Variants in ZNF362 observed in about 807,000 individuals in gnomAD.
ZNF362 encodes the protein rotund homolog.
ZNF362 carries 11 observed loss-of-function variants against 42.9 expected under a neutral mutation model. The observed-to-expected ratio is 0.26, with a 90% confidence interval of 0.16 to 0.42. ZNF362 has a LOEUF of 0.42. Ranked by LOEUF, ZNF362 falls within the 20% of genes least tolerant of loss-of-function variation. The pLI is 1.00. For synonymous variants in ZNF362, 255 were observed against 257.3 expected, an observed-to-expected ratio of 0.99 and a Z score of 0.09; for missense variants, 362 against 576.2, an observed-to-expected ratio of 0.63 and a Z score of 3.81.
At chr1:33,182,763 G>A in the ZNF362 span, among the ~76,000 whole-genome samples, 1 of 152,062 alleles carries the variant, frequency 6.6e-6, no homozygotes, top group Non-Finnish European at 1.5e-5. Flanking sequence ...GCATAGAGGC[G>A]TGAAAGGGGA....
chr1:33,289,091 T>C (rs1244746310), intron 6 of ZNF362, among the ~76,000 whole-genome samples: 2 of 152,180 alleles, frequency 1.3e-5, no homozygotes, highest in East Asian at 1.9e-4. Context: ...ATGTGGAAAC[T>C]TCCTTGAGAG....
chr1:33,259,217 A>G (rs954680310), intron 1 of ZNF362, among the ~76,000 whole-genome samples: 14 of 152,046 alleles, frequency 9.2e-5, no homozygotes, highest in Non-Finnish European at 8.8e-5. Flanking sequence ...CCCTCTACCC[A>G]TTGCCAGGCT....
intron 2 of ZNF362, 127 bp from the exon 3 acceptor site, chr1:33,275,973 G>A: frequency 9.8e-7 from 1 of 1,017,674 alleles, no homozygotes; most frequent in South Asian, 1.4e-5. Flanking sequence ...GTGCTGTGAG[G>A]CTGGGGGACC....
chr1:33,155,792 CCAGT>C, the ZNF362 span, among the ~76,000 whole-genome samples: 2 of 152,186 alleles, frequency 1.3e-5, no homozygotes, highest in Non-Finnish European at 1.5e-5. Flanking sequence ...TTCTCTGCTG[CCAGT>C]CAGTTTGAAT....
At chr1:33,147,151 G>A in the ZNF362 span, 4 of 1,605,758 alleles carry the variant, frequency 2.5e-6, no homozygotes, top group Non-Finnish European at 3.4e-6. The surrounding 1 kb of genome is among the most constrained non-coding windows in gnomAD (Gnocchi z 8.1). Context: ...GTGGTCCCAG[G>A]AGGTTGTGGT....
chr1:33,249,790 G>A, the ZNF362 span, among the ~76,000 whole-genome samples: 1 of 152,118 alleles, frequency 6.6e-6, no homozygotes, highest in South Asian at 2.1e-4. Flanking sequence ...AGGCAAGGTG[G>A]GAACAGGTCC....
At chr1:33,231,871 C>G in the ZNF362 span, among the ~76,000 whole-genome samples, 5 of 152,250 alleles carry the variant, frequency 3.3e-5, no homozygotes, top group African/African-American at 9.6e-5. Context: ...CTCATCCTGT[C>G]CTGACATCAA....
chr1:33,277,100 T>G (rs1049678763), intron 4 of ZNF362, among the ~76,000 whole-genome samples: 1 of 152,172 alleles, frequency 6.6e-6, no homozygotes, highest in African/African-American at 2.4e-5. Flanking sequence ...AAGATGGTGG[T>G]GATGACAGCT....
chr1:33,258,764 A>G (rs1300013298), intron 1 of ZNF362, among the ~76,000 whole-genome samples: 1 of 152,130 alleles, frequency 6.6e-6, no homozygotes, highest in Non-Finnish European at 1.5e-5. Context: ...AGAGAATTGA[A>G]CTTCACAGTT....
chr1:33,225,928 C>A, the ZNF362 span, among the ~76,000 whole-genome samples: 27,239 of 152,056 alleles, frequency 0.18, 2,833 homozygotes, highest in East Asian at 0.32. Flanking sequence ...TGCAGTGTTC[C>A]CCAGCAGACC....
At position 33,281,934 on chromosome 1, in the gene ZNF362, C is replaced by T. The variant is rs967060345; in HGVS notation, c.908+123C>T. On this transcript the variant is annotated intron_variant, in intron 6 of 8. Coordinates refer to ENST00000539719, the MANE Select transcript of ZNF362 (RefSeq NM_152493.3). The surrounding 1 kb of genome is among the most constrained non-coding windows in gnomAD (Gnocchi z 4.8). Reference sequence around the variant, plus strand: ...CAGGTGCCCATTGCCCTCGGGGTCACGGCCCTTGTGGACCTCACTGGCCTC... The same window carrying T: ...CAGGTGCCCATTGCCCTCGGGGTCATGGCCCTTGTGGACCTCACTGGCCTC... The T allele has an allele frequency of 4.1e-5, 40 of 986,894 alleles. No homozygotes were observed. Among genetic ancestry groups the T allele is most frequent in the Middle Eastern group, 2.9e-4 (1 of 3,474 alleles). 61.1% of individuals were successfully genotyped at this position (986,894 alleles called of 1,614,324 possible).
chr1:33,214,604 G>T, the ZNF362 span, among the ~76,000 whole-genome samples: 2 of 151,960 alleles, frequency 1.3e-5, no homozygotes, highest in Non-Finnish European at 2.9e-5. Flanking sequence ...CATCTGAAAG[G>T]GATTAACAAC....
In ZNF362 at chr1:33,280,549, G is replaced by A. The variant is rs1645985726; in HGVS notation, c.683+92G>A. On this transcript the variant is annotated intron_variant, in intron 5 of 8. Coordinates refer to ENST00000539719, the MANE Select transcript of ZNF362 (RefSeq NM_152493.3). The surrounding 1 kb of genome is among the most constrained non-coding windows in gnomAD (Gnocchi z 5.6). Reference sequence around the variant, plus strand: ...GGAGCCCAGCAGCGGGGCTGAAACAGGACCCTTAGGGCTGAGGGGCAGGGC... The same window carrying A: ...GGAGCCCAGCAGCGGGGCTGAAACAAGACCCTTAGGGCTGAGGGGCAGGGC... 1.4e-6 allele frequency: 2 copies of A among 1,463,728 alleles called. No homozygotes were observed. Among genetic ancestry groups the A allele is most frequent in the Admixed American group, 5.1e-5 (2 of 39,242 alleles). The allele number at this position is 1,463,728 out of a possible 1,614,324, so 90.7% of individuals were successfully genotyped here.
At chr1:33,168,031 C>T in the ZNF362 span, among the ~76,000 whole-genome samples, 1 of 152,052 alleles carries the variant, frequency 6.6e-6, no homozygotes. Flanking sequence ...AGCGAGGTTA[C>T]CAATATGGTG....
At chr1:33,147,194 T>A in the ZNF362 span, 1 of 1,613,626 alleles carries the variant, frequency 6.2e-7, no homozygotes, top group Non-Finnish European at 8.5e-7. The surrounding 1 kb of genome is among the most constrained non-coding windows in gnomAD (Gnocchi z 8.1). Flanking sequence ...CGGACGGTGT[T>A]GATCCGCAGC....
chr1:33,218,527 A>T, the ZNF362 span, among the ~76,000 whole-genome samples: 1 of 152,194 alleles, frequency 6.6e-6, no homozygotes, highest in African/African-American at 2.4e-5. Flanking sequence ...CCTGTTTCTC[A>T]GCACTCTTTC....
the ZNF362 span, among the ~76,000 whole-genome samples, chr1:33,174,052 A>G: frequency 6.6e-6 from 1 of 152,170 alleles, no homozygotes; most frequent in Admixed American, 6.5e-5. Context: ...TATATACCTT[A>G]TCATCTTTAC....
At chr1:33,296,723 A>C (rs1436558025) in intron 8 of ZNF362, among the ~76,000 whole-genome samples, 1 of 152,206 alleles carries the variant, frequency 6.6e-6, no homozygotes, top group African/African-American at 2.4e-5. Context: ...ACAAGAACTC[A>C]AAGGAAATTA....
At chr1:33,260,378 T>G (rs1449833367) in intron 1 of ZNF362, among the ~76,000 whole-genome samples, 1 of 152,214 alleles carries the variant, frequency 6.6e-6, no homozygotes, top group Non-Finnish European at 1.5e-5. Context: ...CAAAGCCTGG[T>G]GGCAGGGCCT....
Sources: allele counts gnomAD v4.1 joint callset (sites outside exome capture counted in the v4.1 genomes callset), GRCh38; gene constraint gnomAD v4.1.1; non-coding constraint Gnocchi (gnomAD v3.1); transcripts MANE v1.5; gene names NCBI Gene and HGNC (gene_info 2026-07-23, HGNC 2026-07-21).